KNDC1: variants seen among roughly 807,000 people sequenced by gnomAD.
KNDC1 encodes the protein kinase non-catalytic C-lobe domain-containing protein 1.
A neutral mutation model predicts 172.8 loss-of-function variants in KNDC1; 106 were observed. The observed-to-expected ratio is 0.61, with a 90% CI of 0.52 to 0.72. KNDC1 has a LOEUF of 0.72. KNDC1 is among the 30% of genes least tolerant of loss of function. The pLI, the probability that KNDC1 is intolerant of heterozygous loss-of-function variation, is 0.00. For missense variants in KNDC1, 2,325 were observed against 2,394.5 expected (o/e 0.97, Z 0.61); for synonymous variants, 1,083 against 1,062.2 (o/e 1.02, Z -0.38).
In KNDC1 at chr10:133,202,809, G is replaced by T. The variant is rs551514375; in HGVS notation, c.3387+911G>T. The T allele has an allele frequency of 1.5e-4, 58 of 381,850 alleles. 1 individual carries two copies. The Middle Eastern group carries it at 3.1e-3, about 21-fold the overall frequency. 23.7% of individuals were successfully genotyped at this position (381,850 alleles called of 1,614,324 possible). ...ATTTCAGCTTCTGGGCCACGTGAAA[G>T]ACCCGCATGGTGCTACAGCCTCTGC... On this transcript the variant is annotated intron_variant, in intron 17 of 29. Transcript: ENST00000304613.
intron 16 of KNDC1, among the ~76,000 whole-genome samples, chr10:133,201,254 G>A (rs977196452): frequency 3.2e-4 from 49 of 152,216 alleles, no homozygotes; most frequent in Admixed American, 3.3e-4. Flanking sequence ...AAGCAGTGAG[G>A]GCGCAGAGTG....
At chr10:133,218,446 G>T (rs548493234) in intron 26 of KNDC1, among the ~76,000 whole-genome samples, 17 of 152,224 alleles carry the variant, frequency 1.1e-4, no homozygotes, top group African/African-American at 4.1e-4. Context: ...GCACGGAGCT[G>T]CCTGTGGCTC....
chr10:133,202,911 G>C (rs1052349229), intron 17 of KNDC1, among the ~76,000 whole-genome samples: 2 of 152,094 alleles, frequency 1.3e-5, no homozygotes, highest in Non-Finnish European at 2.9e-5. Flanking sequence ...GCTGGGGAGA[G>C]AAAAGGGCGG....
intron 16 of KNDC1, 85 bp downstream of exon 16, chr10:133,200,545 C>T (rs1854333833): frequency 1.5e-5 from 16 of 1,087,978 alleles, no homozygotes; most frequent in Non-Finnish European, 1.7e-5. Context: ...CCCCAGGGTC[C>T]CAGCAGCCTC....
chr10:133,202,366 C>G (rs1004005152), intron 17 of KNDC1: 3 of 448,708 alleles, frequency 6.7e-6, no homozygotes, highest in Non-Finnish European at 1.3e-5. Flanking sequence ...GCCAGCAGTG[C>G]CATCCTGGGT....
intron 1 of KNDC1, among the ~76,000 whole-genome samples, chr10:133,164,560 A>G (rs1192084119): frequency 6.6e-6 from 1 of 152,152 alleles, no homozygotes; most frequent in Admixed American, 6.5e-5. Flanking sequence ...CCTCCTTCCC[A>G]AGTGTCTGCC....
chr10:133,176,040 GGATA>G (rs1451998328), intron 3 of KNDC1, among the ~76,000 whole-genome samples: 9 of 150,714 alleles, frequency 6.0e-5, no homozygotes, highest in South Asian at 2.1e-4. Flanking sequence ...ATGGATGAAT[GGATA>G]GATAGATGGG....
At chr10:133,186,698 G>GA (rs1853930158) in intron 6 of KNDC1, 24 bp downstream of exon 6, 1 of 1,527,486 alleles carries the variant, frequency 6.5e-7, no homozygotes, top group Non-Finnish European at 8.7e-7. Flanking sequence ...TCTTGTGTGT[G>GA]GGTGGAGGGG....
At chr10:133,195,076 T>C (rs914230833) in intron 9 of KNDC1, among the ~76,000 whole-genome samples, 1 of 152,236 alleles carries the variant, frequency 6.6e-6, no homozygotes, top group African/African-American at 2.4e-5. Context: ...TGGATGAACA[T>C]GGGTTTCATT....
At chr10:133,199,801 T>C (rs966008076) in intron 15 of KNDC1, among the ~76,000 whole-genome samples, 199 bp downstream of exon 15, 3 of 152,176 alleles carry the variant, frequency 2.0e-5, no homozygotes, top group Non-Finnish European at 4.4e-5. Context: ...TACTCACAGC[T>C]TTCCCATCGG....
chr10:133,167,063 G>A (rs1371204976), intron 1 of KNDC1: 4 of 421,984 alleles, frequency 9.5e-6, no homozygotes, highest in Non-Finnish European at 8.8e-6. Flanking sequence ...CTGCGGGGTC[G>A]GGGTGCTCCA....
rs763825094 is a variant in KNDC1 at position 133,207,120 on chromosome 10, G to A, written c.3580-17G>A. On this transcript the variant is annotated splice_polypyrimidine_tract_variant and intron_variant, in intron 19 of 29. Transcript: ENST00000304613. ...CGAGGGGCAGAGTGACCAAGCGCCCGTGTCCCGCTCCGGCAGGTCATGTAC... is the reference window on the plus strand; with the variant it reads ...CGAGGGGCAGAGTGACCAAGCGCCCATGTCCCGCTCCGGCAGGTCATGTAC... 45 of 1,570,366 alleles carry A rather than the reference G, an allele frequency of 2.9e-5. No homozygotes were observed. Among genetic ancestry groups the A allele is most frequent in the African/African-American group, 6.8e-5 (5 of 73,998 alleles).
intron 11 of KNDC1, 88 bp downstream of exon 11, chr10:133,197,223 G>T: frequency 9.7e-7 from 1 of 1,034,940 alleles, no homozygotes; most frequent in Non-Finnish European, 1.5e-6. Flanking sequence ...GGCCGCTCCC[G>T]GCAGCCCCAC....
rs1289889197 is a variant in KNDC1, at chr10:133,189,659, C to G, written c.1503C>G (p.Pro501=). Residue 501 remains proline (P), a synonymous_variant, in exon 8 of 30, where the codon CCC becomes CCG. Transcript: ENST00000304613. ...ACGGGGCTGTGCTCTTCCAGCCACC[C>G]CCTGCCAACGGTGAGTGTGTGGGTT... ...AEDGAVLFQP[P]PANGSYDSFF... is the part of the protein sequence containing the mutation. 1 of 1,613,824 alleles carries G rather than the reference C, an allele frequency of 6.2e-7. No homozygotes were observed. The highest frequency in any genetic ancestry group is 8.5e-7 in the Non-Finnish European group (1 of 1,179,996).
At chr10:133,191,716 C>T (rs749583796) in intron 9 of KNDC1, among the ~76,000 whole-genome samples, 6 of 152,150 alleles carry the variant, frequency 3.9e-5, no homozygotes, top group Non-Finnish European at 8.8e-5. Flanking sequence ...ATAAGTAAAA[C>T]AAATGCCCCA....
chr10:133,181,819 A>G (rs1218160126), intron 3 of KNDC1, among the ~76,000 whole-genome samples: 1 of 91,506 alleles, frequency 1.1e-5, no homozygotes, highest in Non-Finnish European at 2.4e-5. Context: ...CCAGACCAGG[A>G]AGCCCCAGGA....
rs370366188 is a variant in KNDC1, at chr10:133,186,363, C to T, written c.1015C>T (p.Pro339Ser). 3.7e-5 allele frequency: 60 copies of T among 1,612,764 alleles called. 2 individuals are homozygous for T. In the South Asian group the frequency reaches 6.5e-4, roughly 17 times the overall value. Residue 339 changes from proline (P) to serine (S), a missense_variant, in exon 6 of 30, where the codon CCG becomes TCG. By Grantham distance (74) the Pro-to-Ser change is moderately conservative. Transcript: ENST00000304613. The part of the protein sequence containing the change: ...SQLPISELFS[P>S]DPRKAFLDRK... Reference sequence around the variant, plus strand: ...GCTGCCCATATCGGAATTATTCTCTCCGGACCCCAGGAAGGCCTTTCTGGA... The same window carrying T: ...GCTGCCCATATCGGAATTATTCTCTTCGGACCCCAGGAAGGCCTTTCTGGA...
In KNDC1 at chr10:133,220,023, C is replaced by T. The variant is rs747263435; in HGVS notation, c.4929C>T (p.Pro1643=). ...GRRFRAQPTL[P]SAHLLAMHIQ... Reference sequence around the variant, plus strand: ...GCTTCCGGGCGCAGCCCACCCTGCCCTCGGCCCACCTCCTGGCCATGCACA... The same window carrying T: ...GCTTCCGGGCGCAGCCCACCCTGCCTTCGGCCCACCTCCTGGCCATGCACA... Residue 1643 remains proline (P), a synonymous_variant, in exon 29 of 30, where the codon CCC becomes CCT. Coordinates refer to ENST00000304613, the MANE Select transcript of KNDC1 (RefSeq NM_152643.8). 6.6e-5 allele frequency: 102 copies of T among 1,554,914 alleles called. No individual in the cohort carries two copies. Among genetic ancestry groups the T allele is most frequent in the Non-Finnish European group, 8.6e-5 (99 of 1,149,244 alleles).
intron 3 of KNDC1, chr10:133,179,329 T>A (rs1264033019): frequency 6.6e-6 from 1 of 152,202 alleles, no homozygotes; most frequent in Non-Finnish European, 1.5e-5. Context: ...GTGTTCACAG[T>A]GTCCTCCTGA....
Sources: allele counts gnomAD v4.1 joint callset (sites outside exome capture counted in the v4.1 genomes callset), GRCh38; gene constraint gnomAD v4.1.1; transcripts MANE v1.5; gene names NCBI Gene and HGNC (gene_info 2026-07-23, HGNC 2026-07-21).